The following PFKFB3 variants were observed in gnomAD, a reference collection of about 807,000 sequenced individuals.
The protein encoded by PFKFB3 is 6-phosphofructo-2-kinase/fructose-2,6-bisphosphatase 3.
Under a neutral mutation model 68.0 loss-of-function variants are expected in PFKFB3, and 33 were observed. The ratio of observed to expected loss-of-function variants is 0.49; its 90% CI spans 0.37 to 0.65. PFKFB3 has a LOEUF of 0.65. PFKFB3 is among the 30% of genes least tolerant of loss of function. The pLI, the probability that PFKFB3 is intolerant of heterozygous loss-of-function variation, is 0.00. For synonymous variants in PFKFB3, 315 were observed against 288.2 expected, an observed-to-expected ratio of 1.09 and a Z score of -0.94; for missense variants, 586 against 712.2, an observed-to-expected ratio of 0.82 and a Z score of 2.02.
rs1554842980 is a variant in PFKFB3, at chr10:6,177,464, C to CTTTCTTTCTTTCTT, written c.16+32453_16+32466dup. On this transcript the variant is annotated intron_variant, in intron 1 of 14. Coordinates refer to the PFKFB3 transcript ENST00000379789. ...TCTTTCTTTCTTTCTTTCTTTCTTT[C>CTTTCTTTCTTTCTT]TTTCTTTCTTTCTTTCTTTCTTTTT... 2.5e-5 allele frequency among the ~76,000 whole-genome samples: 3 copies of CTTTCTTTCTTTCTT among 120,082 alleles called. No homozygotes were observed. In the East Asian group the frequency reaches 6.8e-4, roughly 27 times the overall value. The allele number at this position is 120,082 out of a possible 152,430, so 78.8% of individuals were successfully genotyped here.
At chr10:6,302,057 TTTC>T in the PFKFB3 span, among the ~76,000 whole-genome samples, 2 of 79,418 alleles carry the variant, frequency 2.5e-5, no homozygotes, top group Non-Finnish European at 9.7e-5. Flanking sequence ...TTCTTTTCTT[TTTC>T]TTTTTTTTTT....
rs565281662 is a variant in PFKFB3 at position 6,165,207 on chromosome 10, G to T, written c.16+20194G>T. 2.0e-5 allele frequency among the ~76,000 whole-genome samples: 3 copies of T among 152,232 alleles called. No homozygotes were observed. The East Asian group carries it at 5.8e-4, about 29-fold the overall frequency. On this transcript the variant is annotated intron_variant, in intron 1 of 14. Coordinates refer to the PFKFB3 transcript ENST00000379789. ...CCTGGTTAATCGAGAATGGAGAATG[G>T]CGATGACTTTTACCAAGCATACTGC...
intron 1 of PFKFB3, among the ~76,000 whole-genome samples, chr10:6,181,038 A>G (rs1025474369): frequency 1.3e-5 from 2 of 152,134 alleles, no homozygotes; most frequent in African/African-American, 4.8e-5. Flanking sequence ...TTTTAGAGAC[A>G]GAGTCTGGCT....
At chr10:6,161,956 C>G (rs1424575000) in intron 1 of PFKFB3, among the ~76,000 whole-genome samples, 1 of 152,138 alleles carries the variant, frequency 6.6e-6, no homozygotes, top group Admixed American at 6.6e-5. Flanking sequence ...TAAATATATT[C>G]AGTGTTGTAC....
the PFKFB3 span, among the ~76,000 whole-genome samples, chr10:6,325,554 C>T: frequency 6.6e-6 from 1 of 152,124 alleles, no homozygotes; most frequent in African/African-American, 2.4e-5. Context: ...ACCAAGAATA[C>T]ACTACACCAT....
upstream of PFKFB3, among the ~76,000 whole-genome samples, chr10:6,200,697 G>GGGGGGGT: frequency 7.2e-6 from 1 of 138,720 alleles, no homozygotes; most frequent in African/African-American, 2.6e-5. Context: ...GGTGGGGCGG[G>GGGGGGGT]GATTGAGTTA....
rs181436539 is a variant in PFKFB3 at position 6,253,770 on chromosome 10, G to A, written c.1516-408G>A. Among the ~76,000 whole-genome samples the A allele has an allele frequency of 3.6e-3, 545 of 152,246 alleles. 2 individuals carry two copies. The highest frequency in any genetic ancestry group is 0.027 in the Middle Eastern group (8 of 294). On this transcript the variant is annotated intron_variant, in intron 14 of 14. Coordinates refer to the PFKFB3 transcript ENST00000640683. Reference sequence around the variant, plus strand: ...GGAAGGTGATATGCTGGCTGGGCACGGTGGCTCACGCCTGTAATCCCAGCA... The same window carrying A: ...GGAAGGTGATATGCTGGCTGGGCACAGTGGCTCACGCCTGTAATCCCAGCA...
At chr10:6,180,619 C>T (rs1029620457) in intron 1 of PFKFB3, among the ~76,000 whole-genome samples, 1 of 152,054 alleles carries the variant, frequency 6.6e-6, no homozygotes, top group African/African-American at 2.4e-5. Flanking sequence ...TGTGCTTCAC[C>T]ACACCTGGCT....
chr10:6,171,212 C>T (rs959781258), intron 1 of PFKFB3, among the ~76,000 whole-genome samples: 10 of 151,990 alleles, frequency 6.6e-5, no homozygotes, highest in South Asian at 2.1e-4. Flanking sequence ...CATGCCACCA[C>T]GCCTGGCTAA....
intron 6 of PFKFB3, among the ~76,000 whole-genome samples, chr10:6,218,643 G>A (rs931796980): frequency 1.3e-5 from 2 of 152,084 alleles, no homozygotes; most frequent in African/African-American, 4.8e-5. Flanking sequence ...GTGTTGGCCA[G>A]GCTGGTCTCA....
In PFKFB3 at chr10:6,215,683, G is replaced by A. The variant is rs1428501768; in HGVS notation, c.299+366G>A. ...TGAGAATTAGCAAGTCCTGTTCATC[G>A]GGAGTGTCTGTTTATGTTTGGAAAG... On this transcript the variant is annotated intron_variant, in intron 3 of 14. Coordinates refer to ENST00000379775, the MANE Select transcript of PFKFB3 (RefSeq NM_004566.4). The surrounding 1 kb of genome is among the most constrained non-coding windows in gnomAD (Gnocchi z 4.3). Among the ~76,000 whole-genome samples the A allele has an allele frequency of 3.3e-5, 5 of 152,212 alleles. No homozygotes were observed. The highest frequency in any genetic ancestry group is 6.5e-5 in the Admixed American group (1 of 15,282).
intron 1 of PFKFB3, among the ~76,000 whole-genome samples, chr10:6,213,159 C>CT (rs1251280618): frequency 6.6e-6 from 1 of 152,120 alleles, no homozygotes; most frequent in African/African-American, 2.4e-5. Context: ...CAGGGTGTGG[C>CT]TGGGGGGCTG....
chr10:6,288,576 G>A, the PFKFB3 span, among the ~76,000 whole-genome samples: 1,868 of 151,664 alleles, frequency 0.012, 20 homozygotes, highest in Non-Finnish European at 0.019. Context: ...GTGTATATGT[G>A]CCACATTTTC....
rs972880091 is a variant in PFKFB3, at chr10:6,224,091, G to A, written c.1277-58G>A. The A allele has an allele frequency of 3.7e-6, 6 of 1,611,864 alleles. No individual in the cohort carries two copies. In the African/African-American group the frequency reaches 4.0e-5, roughly 11 times the overall value. On this transcript the variant is annotated intron_variant, in intron 12 of 14. Transcript: ENST00000379775. ...CAGTAGCTTCTTGTGGCCGTGGGCT[G>A]TAAGCGGTGCTGTCCCTTTAACAGC...
intron 7 of PFKFB3, among the ~76,000 whole-genome samples, 182 bp downstream of exon 7, chr10:6,219,875 G>A (rs1844834230): frequency 6.6e-6 from 1 of 151,430 alleles, no homozygotes; most frequent in African/African-American, 2.4e-5. Flanking sequence ...GGCCTCAGGT[G>A]ATCCACATAC....
At chr10:6,273,509 C>T in the PFKFB3 span, among the ~76,000 whole-genome samples, 32 of 152,162 alleles carry the variant, frequency 2.1e-4, no homozygotes, top group African/African-American at 7.2e-4. Flanking sequence ...GTTGACAGTT[C>T]TGTCAGTCAC....
chr10:6,155,682 T>G (rs556750174), intron 1 of PFKFB3, among the ~76,000 whole-genome samples: 12 of 152,142 alleles, frequency 7.9e-5, no homozygotes, highest in Non-Finnish European at 1.5e-4. Context: ...CCGGGTTCAC[T>G]TCCAAATCAG....
intron 1 of PFKFB3, among the ~76,000 whole-genome samples, 194 bp from the exon 2 acceptor site, chr10:6,213,429 A>C (rs77270927): frequency 0.022 from 3,336 of 152,226 alleles, 131 homozygotes; most frequent in African/African-American, 0.076. Context: ...CTAAGGCCGG[A>C]GGATTGTTTA....
intron 1 of PFKFB3, among the ~76,000 whole-genome samples, chr10:6,147,811 TCCTGATGGGGTGGTCCATACAGGGGAG>T (rs1209633667): frequency 3.8e-4 from 56 of 147,826 alleles, no homozygotes; most frequent in African/African-American, 1.4e-3. Context: ...ATACAGGGGA[TCCTGATGGGGTGGTCCATACAGGGGAG>T]CCTGACGGGG....
Sources: allele counts gnomAD v4.1 joint callset (sites outside exome capture counted in the v4.1 genomes callset), GRCh38; gene constraint gnomAD v4.1.1; non-coding constraint Gnocchi (gnomAD v3.1); transcripts MANE v1.5; gene names NCBI Gene and HGNC (gene_info 2026-07-23, HGNC 2026-07-21).